The following NRG1 variants were observed in gnomAD, a reference collection of about 807,000 sequenced individuals.
The protein encoded by NRG1 is neuregulin 1.
NRG1 carries 18 observed loss-of-function variants against 63.8 expected under a neutral mutation model. The observed-to-expected ratio is 0.28, with a 90% CI of 0.19 to 0.42. NRG1 has a LOEUF of 0.42. Ranked by LOEUF, NRG1 falls within the 10% of genes least tolerant of loss-of-function variation. The pLI is 1.00. For missense variants in NRG1, 762 were observed against 814.7 expected (o/e 0.94, Z 0.79); for synonymous variants, 302 against 301.3 (o/e 1.00, Z -0.02).
At chr8:31,988,747 C>T (rs1275870733) in intron 1 of NRG1, among the ~76,000 whole-genome samples, 1 of 152,050 alleles carries the variant, frequency 6.6e-6, no homozygotes, top group Non-Finnish European at 1.5e-5. Context: ...TGCTGCATAT[C>T]ACAAAAGTGG....
intron 1 of NRG1, among the ~76,000 whole-genome samples, chr8:32,349,433 A>G (rs1805313435): frequency 2.0e-5 from 3 of 152,198 alleles, no homozygotes; most frequent in Non-Finnish European, 4.4e-5. Flanking sequence ...AACCAATAGG[A>G]GAAGTGGTAC....
chr8:31,974,176 TTTTG>T (rs1807780056), intron 1 of NRG1, among the ~76,000 whole-genome samples: 1 of 152,072 alleles, frequency 6.6e-6, no homozygotes, highest in Non-Finnish European at 1.5e-5. Context: ...TTACCTTCTT[TTTTG>T]TTTGAGACAG....
At chr8:31,682,291 T>A (rs931107934) in intron 1 of NRG1, among the ~76,000 whole-genome samples, 1 of 152,172 alleles carries the variant, frequency 6.6e-6, no homozygotes, top group Admixed American at 6.6e-5. Context: ...CAGCAATGAA[T>A]GAGAGTTTCT....
At chr8:32,553,755 T>C (rs1001400056) in intron 1 of NRG1, among the ~76,000 whole-genome samples, 3 of 152,316 alleles carry the variant, frequency 2.0e-5, no homozygotes, top group Non-Finnish European at 1.5e-5. Context: ...CCTCACTATC[T>C]TTTTATCAAG....
chr8:32,606,793 T>C (rs1262699907), intron 3 of NRG1, among the ~76,000 whole-genome samples: 2 of 152,118 alleles, frequency 1.3e-5, no homozygotes, highest in Non-Finnish European at 2.9e-5. Flanking sequence ...GCAAGCGCTC[T>C]TAAAGTGATA....
chr8:31,978,680 A>C (rs1372311761), intron 1 of NRG1, among the ~76,000 whole-genome samples: 2 of 152,128 alleles, frequency 1.3e-5, no homozygotes, highest in African/African-American at 4.8e-5. Context: ...AAATAAGGGA[A>C]AATACTAATA....
intron 1 of NRG1, among the ~76,000 whole-genome samples, chr8:31,854,659 G>A (rs996202008): frequency 2.0e-5 from 3 of 152,004 alleles, no homozygotes; most frequent in African/African-American, 7.3e-5. Flanking sequence ...GCTAGCTTTT[G>A]AATGTGTTTG....
chr8:32,765,137 G>A (rs1477221250), exon 12 of NRG1: 2 of 152,052 alleles, frequency 1.3e-5, no homozygotes, highest in African/African-American at 4.8e-5. Flanking sequence ...CAGTTTTAGG[G>A]ATAGCTTAGA....
At chr8:31,845,106 C>CAAATAAATAAATAAATAAAT (rs3052830) in intron 1 of NRG1, among the ~76,000 whole-genome samples, 1 of 146,222 alleles carries the variant, frequency 6.8e-6, no homozygotes, top group Non-Finnish European at 1.5e-5. Flanking sequence ...GACTCCGTCT[C>CAAATAAATAAATAAATAAAT]AAATAAATAA....
chr8:32,690,448 C>T (rs1225357657), intron 5 of NRG1, among the ~76,000 whole-genome samples: 2 of 152,130 alleles, frequency 1.3e-5, no homozygotes, highest in Non-Finnish European at 2.9e-5. Context: ...GTGGCTGGAC[C>T]ATCCTCCAGA....
intron 1 of NRG1, among the ~76,000 whole-genome samples, chr8:31,817,807 C>T (rs1823601081): frequency 6.6e-6 from 1 of 152,202 alleles, no homozygotes; most frequent in Admixed American, 6.5e-5. Context: ...AGCTCATGTA[C>T]TTGAAAATCA....
chr8:32,450,499 C>A (rs2129488048), intron 1 of NRG1, among the ~76,000 whole-genome samples: 1 of 152,250 alleles, frequency 6.6e-6, no homozygotes, highest in African/African-American at 2.4e-5. Flanking sequence ...TTACTGCAGC[C>A]TTAACCCCCA....
chr8:31,798,882 C>T (rs1320080917), intron 1 of NRG1, among the ~76,000 whole-genome samples: 1 of 151,918 alleles, frequency 6.6e-6, no homozygotes, highest in African/African-American at 2.4e-5. Flanking sequence ...TAAAGTGCCA[C>T]ATCAGAATAT....
chr8:31,878,733 C>T (rs535618329), intron 1 of NRG1, among the ~76,000 whole-genome samples: 4 of 152,184 alleles, frequency 2.6e-5, no homozygotes, highest in South Asian at 4.2e-4. Flanking sequence ...ATGTAGGAAT[C>T]GAGGTCCTTG....
At chr8:32,377,040 G>A (rs948783456) in intron 1 of NRG1, among the ~76,000 whole-genome samples, 3 of 152,152 alleles carry the variant, frequency 2.0e-5, no homozygotes, top group Non-Finnish European at 2.9e-5. Context: ...AAATGCAGAA[G>A]CGAATTTCAT....
intron 1 of NRG1, among the ~76,000 whole-genome samples, chr8:32,252,823 A>G (rs1448541260): frequency 6.6e-6 from 1 of 152,180 alleles, no homozygotes; most frequent in Non-Finnish European, 1.5e-5. Flanking sequence ...CTTCCTATCC[A>G]TGAGCATGGA....
intron 1 of NRG1, among the ~76,000 whole-genome samples, chr8:32,431,451 C>T (rs564273249): frequency 1.1e-4 from 16 of 152,258 alleles, no homozygotes; most frequent in Admixed American, 6.5e-4. Flanking sequence ...CTCTCCATCA[C>T]GTAGTCTCTT....
chr8:31,853,789 G>A (rs199609357), intron 1 of NRG1, among the ~76,000 whole-genome samples: 1 of 151,910 alleles, frequency 6.6e-6, no homozygotes, highest in Non-Finnish European at 1.5e-5. Flanking sequence ...ATGTCCCATC[G>A]ATACCTAATT....
At chr8:31,919,342 G>A (rs992130845) in intron 1 of NRG1, among the ~76,000 whole-genome samples, 4 of 149,490 alleles carry the variant, frequency 2.7e-5, no homozygotes, top group African/African-American at 4.9e-5. Flanking sequence ...TTCCACTTAC[G>A]CTTTTCAACC....
Sources: allele counts gnomAD v4.1 joint callset (sites outside exome capture counted in the v4.1 genomes callset), GRCh38; gene constraint gnomAD v4.1.1; transcripts MANE v1.5; gene names NCBI Gene and HGNC (gene_info 2026-07-23, HGNC 2026-07-21).